The following ELAPOR1 variants were observed in gnomAD, a reference collection of about 807,000 sequenced individuals.
ELAPOR1 encodes endosome-lysosome associated apoptosis and autophagy regulator 1.
Under a neutral mutation model 119.7 loss-of-function variants are expected in ELAPOR1, and 77 were observed. The ratio of observed to expected loss-of-function variants is 0.64; its 90% CI spans 0.54 to 0.78. The LOEUF is 0.78. Ranked by LOEUF, ELAPOR1 falls within the 30% of genes least tolerant of loss-of-function variation. The pLI is 0.00. For missense variants in ELAPOR1, 1,115 were observed against 1,270.4 expected, an observed-to-expected ratio of 0.88 and a Z score of 1.86; for synonymous variants, 481 against 487.2, an observed-to-expected ratio of 0.99 and a Z score of 0.17.
intron 2 of ELAPOR1, among the ~76,000 whole-genome samples, chr1:109,163,296 G>A (rs906447226): frequency 7.2e-5 from 11 of 152,214 alleles, no homozygotes; most frequent in Non-Finnish European, 1.0e-4. Context: ...CAGGGAAATC[G>A]TGGAAAACTT....
At chr1:109,184,486 T>G (rs61799387) in intron 7 of ELAPOR1, among the ~76,000 whole-genome samples, 18,655 of 152,260 alleles carry the variant, frequency 0.12, 1,309 homozygotes, top group Middle Eastern at 0.21. Context: ...GTAGAATGAT[T>G]GCATGAAGAA....
chr1:109,177,101 G>A lies in ELAPOR1; in HGVS notation c.952+3264G>A, dbSNP rs1485396819. 4.1e-5 allele frequency among the ~76,000 whole-genome samples: 6 copies of A among 147,478 alleles called. No homozygotes were observed. In the East Asian group the frequency reaches 6.0e-4, roughly 15 times the overall value. On this transcript the variant is annotated intron_variant, in intron 7 of 21. Transcript: ENST00000369939. ...AAAACCGCCATTGTCATCATGGCCC[G>A]TTCTCAATGAGCTGTTGGGTACACC...
intron 1 of ELAPOR1, among the ~76,000 whole-genome samples, chr1:109,154,310 G>T (rs1195480358): frequency 6.6e-6 from 1 of 151,438 alleles, no homozygotes; most frequent in African/African-American, 2.4e-5. Flanking sequence ...AAAAGAAAAG[G>T]GGAAAAAGAT....
At chr1:109,117,217 C>T (rs1397318408) in intron 1 of ELAPOR1, among the ~76,000 whole-genome samples, 1 of 152,190 alleles carries the variant, frequency 6.6e-6, no homozygotes, top group Non-Finnish European at 1.5e-5. Flanking sequence ...TGGACATGTG[C>T]TGGGGCTTGG....
intron 1 of ELAPOR1, among the ~76,000 whole-genome samples, chr1:109,120,939 T>C (rs1648367600): frequency 6.6e-6 from 1 of 152,186 alleles, no homozygotes. Flanking sequence ...GTAGGTAACA[T>C]CTTAGGGTAA....
intron 1 of ELAPOR1, 127 bp from the exon 2 acceptor site, chr1:109,161,767 C>CG: frequency 4.4e-6 from 5 of 1,127,736 alleles, no homozygotes; most frequent in Middle Eastern, 2.1e-4. Context: ...AGCTCCCTGC[C>CG]CGGGGTCCCA....
intron 1 of ELAPOR1, among the ~76,000 whole-genome samples, chr1:109,122,616 AAGCCACTACTCT>A (rs1469602677): frequency 1.3e-5 from 2 of 152,096 alleles, no homozygotes; most frequent in Non-Finnish European, 2.9e-5. Flanking sequence ...AGCCGTGATC[AAGCCACTACTCT>A]CCAGCATGGG....
Position 109,188,267 on chromosome 1 carries a change from C to A in ELAPOR1, c.1132C>A (p.His378Asn), listed in dbSNP as rs1455405371. 6.2e-7 allele frequency: 1 copy of A among 1,614,072 alleles called. No individual in the cohort carries two copies. Among genetic ancestry groups the A allele is most frequent in the African/African-American group, 1.3e-5 (1 of 74,938 alleles). The change falls in exon 9 of 22, where the codon CAC becomes AAC. Residue 378 changes from histidine to asparagine, a missense_variant. Transcript: ENST00000369939. ...VKLPASGVKT[H>N]CPPCNPGFFK... The stretch of plus-strand genomic sequence containing the variant: ...GCTGCCTGCCTCTGGTGTGAAGACC[C>A]ACTGCCCACCCTGCAACCCAGGCTT...
chr1:109,121,727 A>C (rs1029749150), intron 1 of ELAPOR1, among the ~76,000 whole-genome samples: 1 of 151,800 alleles, frequency 6.6e-6, no homozygotes, highest in Non-Finnish European at 1.5e-5. Context: ...TGGATCTTTC[A>C]TACTCCAGTG....
chr1:109,195,823 G>A (rs1653761552), intron 15 of ELAPOR1, among the ~76,000 whole-genome samples: 1 of 152,166 alleles, frequency 6.6e-6, no homozygotes, highest in Admixed American at 6.6e-5. Flanking sequence ...TGATTAAATT[G>A]CAACAAGCCA....
intron 1 of ELAPOR1, among the ~76,000 whole-genome samples, chr1:109,144,735 T>TC (rs1474093630): frequency 1.3e-5 from 2 of 152,072 alleles, no homozygotes; most frequent in African/African-American, 2.4e-5. Context: ...AGAGCCAAAC[T>TC]CCATCTCAAT....
Position 109,200,112 on chromosome 1 carries a change from GC to G in ELAPOR1, c.2684del (p.Pro895LeufsTer11), listed in dbSNP as rs1654075274. 1 of 1,614,088 alleles carries G rather than the reference GC, an allele frequency of 6.2e-7. No individual in the cohort carries two copies. The highest frequency in any genetic ancestry group is 1.1e-5 in the South Asian group (1 of 91,084). On this transcript the variant is annotated frameshift_variant, in exon 20 of 22. Coordinates refer to ENST00000369939, the MANE Select transcript of ELAPOR1 (RefSeq NM_020775.5). LOFTEE classifies it high-confidence loss of function. ...PKLCSGGISL[P>X]EQRVTICKTI... ...AGCTATGCTCTGGTGGCATTTCTCTGCCTGAGCAGAGAGTCACCATCTGCAA... is the reference window on the plus strand; with the variant it reads ...AGCTATGCTCTGGTGGCATTTCTCTGCTGAGCAGAGAGTCACCATCTGCAA...
chr1:109,149,976 T>C (rs1168514908), intron 1 of ELAPOR1, among the ~76,000 whole-genome samples: 1 of 152,204 alleles, frequency 6.6e-6, no homozygotes, highest in African/African-American at 2.4e-5. Context: ...GCCTGGCACA[T>C]GGATGCTTAG....
intron 3 of ELAPOR1, among the ~76,000 whole-genome samples, chr1:109,170,396 T>C (rs1651852614): frequency 6.6e-6 from 1 of 152,114 alleles, no homozygotes; most frequent in South Asian, 2.1e-4. Flanking sequence ...TAAAATATCA[T>C]GGGATTATGG....
intron 1 of ELAPOR1, among the ~76,000 whole-genome samples, chr1:109,141,540 A>T (rs575040013): frequency 6.6e-6 from 1 of 152,134 alleles, no homozygotes; most frequent in South Asian, 2.1e-4. Flanking sequence ...GGATTACAGG[A>T]GTGAGCCACC....
chr1:109,125,560 A>C (rs1648720533), intron 1 of ELAPOR1, among the ~76,000 whole-genome samples: 1 of 150,346 alleles, frequency 6.7e-6, no homozygotes, highest in Admixed American at 6.6e-5. Context: ...GCCCGGTTGT[A>C]TTTTTAGTAG....
At chr1:109,199,135 G>A (rs887752839) in intron 18 of ELAPOR1, among the ~76,000 whole-genome samples, 1 of 152,170 alleles carries the variant, frequency 6.6e-6, no homozygotes, top group East Asian at 1.9e-4. Flanking sequence ...ATTAGTAAAG[G>A]TTTAGGGATC....
chr1:109,191,687 G>A, intron 12 of ELAPOR1, 39 bp from the exon 13 acceptor site: 1 of 1,611,172 alleles, frequency 6.2e-7, no homozygotes, highest in South Asian at 1.1e-5. Context: ...CTTCCCCTCT[G>A]GCCATCGCAC....
intron 1 of ELAPOR1, among the ~76,000 whole-genome samples, chr1:109,120,665 T>C (rs905416557): frequency 6.6e-6 from 1 of 152,100 alleles, no homozygotes; most frequent in Admixed American, 6.6e-5. Flanking sequence ...ACATACCAAG[T>C]TAGGGCTTAA....
Sources: gnomAD v4.1 joint callset for allele counts (sites outside exome capture counted in the v4.1 genomes callset) on GRCh38, gnomAD v4.1.1 for gene constraint, MANE v1.5 for transcripts, NCBI Gene and HGNC (gene_info 2026-07-23, HGNC 2026-07-21) for gene names.